The following N4BP2L2 variants were observed in gnomAD, a reference collection of about 807,000 sequenced individuals.
N4BP2L2 encodes NEDD4-binding protein 2-like 2.
Under a neutral mutation model 56.2 loss-of-function variants are expected in N4BP2L2, and 50 were observed. The observed-to-expected ratio is 0.89, with a 90% confidence interval of 0.71 to 1.13. The LOEUF is 1.13. Ranked by LOEUF, N4BP2L2 falls within the 50% of genes most tolerant of loss-of-function variation. The pLI, the probability that N4BP2L2 is intolerant of heterozygous loss-of-function variation, is 0.00. For missense variants in N4BP2L2, 689 were observed against 693.8 expected, an observed-to-expected ratio of 0.99 and a Z score of 0.08; for synonymous variants, 203 against 223.6, an observed-to-expected ratio of 0.91 and a Z score of 0.82.
In N4BP2L2 at chr13:32,443,342, G is replaced by T. The variant is rs777051049; in HGVS notation, c.1150C>A (p.Gln384Lys). The stretch of plus-strand genomic sequence containing the variant: ...CATGCTCTATCTTTCTTTGGTCTCT[G>T]TTCACATATAAACTTATGAGGTCCT... Residue 384 changes from glutamine to lysine, a missense_variant, in exon 7 of 10, where the codon CAG becomes AAG. Gln to Lys is a moderately conservative substitution (Grantham distance 53). Coordinates refer to the N4BP2L2 transcript ENST00000357505. 14 of 1,613,846 alleles carry T rather than the reference G, an allele frequency of 8.7e-6. No individual in the cohort carries two copies. In the East Asian group the frequency reaches 2.9e-4, roughly 33 times the overall value.
intron 6 of N4BP2L2, among the ~76,000 whole-genome samples, chr13:32,448,164 A>G (rs903332795): frequency 2.0e-5 from 3 of 152,192 alleles, no homozygotes; most frequent in Admixed American, 6.5e-5. Flanking sequence ...ACACAAACCA[A>G]TAACAGTGAC....
Position 32,452,505 on chromosome 13 carries a change from T to C in N4BP2L2, c.366-8379A>G, listed in dbSNP as rs150591954. Among the ~76,000 whole-genome samples, 225 of 152,292 alleles carry C rather than the reference T, an allele frequency of 1.5e-3. 2 individuals are homozygous for C. The highest frequency in any genetic ancestry group is 4.9e-3 in the African/African-American group (205 of 41,552). On this transcript the variant is annotated intron_variant, in intron 6 of 9. Transcript: ENST00000357505. The stretch of plus-strand genomic sequence containing the variant: ...AAACTACCTTCAGTAATGTGTAAAA[T>C]AGACAAAACATTATGATTTAACTGG...
intron 6 of N4BP2L2, among the ~76,000 whole-genome samples, chr13:32,492,272 AATTTTTTTT>A (rs2087294078): frequency 1.3e-5 from 1 of 77,042 alleles, no homozygotes; most frequent in East Asian, 4.0e-4. Context: ...AAAACACCAA[AATTTTTTTT>A]TTTTTTTTTT....
exon 2 of N4BP2L2, chr13:32,536,715 C>A: frequency 6.2e-7 from 1 of 1,614,084 alleles, no homozygotes; most frequent in Non-Finnish European, 8.5e-7. Context: ...GGAGGACGTG[C>A]TTCCTGTAAA....
chr13:32,437,944 G>A (rs1279487770), intron 8 of N4BP2L2, among the ~76,000 whole-genome samples: 2 of 152,060 alleles, frequency 1.3e-5, no homozygotes, highest in Non-Finnish European at 2.9e-5. Context: ...AAGGTATGTA[G>A]CACTTCTCTC....
chr13:32,468,381 T>C (rs2081628150), intron 6 of N4BP2L2, among the ~76,000 whole-genome samples: 1 of 152,104 alleles, frequency 6.6e-6, no homozygotes, highest in Admixed American at 6.5e-5. Flanking sequence ...TTTTAACAAA[T>C]ATTTGAGTGC....
At chr13:32,455,127 C>G (rs780323131) in intron 6 of N4BP2L2, among the ~76,000 whole-genome samples, 3 of 152,214 alleles carry the variant, frequency 2.0e-5, no homozygotes, top group Non-Finnish European at 4.4e-5. Flanking sequence ...ATTTTGAGAG[C>G]CTAGTCCATG....
chr13:32,448,616 G>A (rs1270829307), intron 6 of N4BP2L2, among the ~76,000 whole-genome samples: 1 of 152,136 alleles, frequency 6.6e-6, no homozygotes, highest in Non-Finnish European at 1.5e-5. Context: ...CTGACCAAGT[G>A]AACTGTGACC....
exon 6 of N4BP2L2, chr13:32,517,611 A>C: frequency 7.3e-7 from 1 of 1,378,466 alleles, no homozygotes; most frequent in Non-Finnish European, 9.4e-7. Flanking sequence ...GAATATAAAA[A>C]CATTTAAAAT....
chr13:32,442,814 A>G (rs1370170864), exon 7 of N4BP2L2: 2 of 1,613,720 alleles, frequency 1.2e-6, no homozygotes, highest in Non-Finnish European at 1.7e-6. Flanking sequence ...CAATGAGAAT[A>G]ACGCTGTCCA....
chr13:32,526,123 C>T (rs392219), intron 3 of N4BP2L2, among the ~76,000 whole-genome samples: 120,458 of 152,020 alleles, frequency 0.79, 47,981 homozygotes, highest in East Asian at 0.82. Flanking sequence ...GCAAGTTAAA[C>T]GGTTAACACC....
chr13:32,451,184 G>A (rs2077953452), intron 6 of N4BP2L2, among the ~76,000 whole-genome samples: 1 of 152,082 alleles, frequency 6.6e-6, no homozygotes, highest in Admixed American at 6.6e-5. Flanking sequence ...TGTAATCCTA[G>A]CAATTTGGAA....
intron 6 of N4BP2L2, among the ~76,000 whole-genome samples, chr13:32,476,660 G>T (rs919055492): frequency 6.6e-6 from 1 of 152,170 alleles, no homozygotes; most frequent in South Asian, 2.1e-4. Context: ...AAAATGAGTA[G>T]CTCATAGCAA....
rs530670280 is a variant in N4BP2L2 at position 32,479,943 on chromosome 13, G to A, written c.366-35817C>T. 7.2e-5 allele frequency among the ~76,000 whole-genome samples: 11 copies of A among 151,930 alleles called. 1 individual carries two copies. The South Asian group carries it at 2.3e-3, about 32-fold the overall frequency. On this transcript the variant is annotated intron_variant, in intron 6 of 9. Coordinates refer to the N4BP2L2 transcript ENST00000357505. ...GAGAGAGAGGAGAAAATAAGACAGA[G>A]TCAATGTTTGAAGAGATTTATCACT... is the stretch of plus-strand genomic sequence containing the variant.
chr13:32,446,509 A>C (rs777610056), intron 6 of N4BP2L2: 4 of 1,305,548 alleles, frequency 3.1e-6, no homozygotes, highest in African/African-American at 3.0e-5. Context: ...AAAAAGAACA[A>C]ATAGAGTTTG....
intron 6 of N4BP2L2, among the ~76,000 whole-genome samples, chr13:32,470,052 G>C (rs2082016386): frequency 6.6e-6 from 1 of 152,208 alleles, no homozygotes; most frequent in African/African-American, 2.4e-5. Context: ...GTCAGTGAAA[G>C]TGAGACCTGT....
At chr13:32,470,500 C>T in intron 6 of N4BP2L2, among the ~76,000 whole-genome samples, 1 of 152,150 alleles carries the variant, frequency 6.6e-6, no homozygotes, top group East Asian at 1.9e-4. Flanking sequence ...CCACAGATAG[C>T]TTTGGCTAGG....
intron 6 of N4BP2L2, among the ~76,000 whole-genome samples, chr13:32,455,481 G>T (rs2078825708): frequency 6.6e-6 from 1 of 152,196 alleles, no homozygotes; most frequent in African/African-American, 2.4e-5. Context: ...AGGGGCCAAA[G>T]CACGTACTAC....
intron 6 of N4BP2L2, among the ~76,000 whole-genome samples, chr13:32,500,943 A>G (rs1020869990): frequency 6.9e-6 from 1 of 144,330 alleles, no homozygotes; most frequent in African/African-American, 2.6e-5. Context: ...ATCTTGGCTC[A>G]CTGCAACCTC....
Sources: gnomAD v4.1 joint callset for allele counts (sites outside exome capture counted in the v4.1 genomes callset) on GRCh38, gnomAD v4.1.1 for gene constraint, MANE v1.5 for transcripts, NCBI Gene and HGNC (gene_info 2026-07-23, HGNC 2026-07-21) for gene names.